The following RPS6KC1 variants were observed in gnomAD, a reference collection of about 807,000 sequenced individuals.
RPS6KC1 encodes inactive ribosomal protein S6 kinase delta-1.
RPS6KC1 carries 54 observed loss-of-function variants against 103.8 expected under a neutral mutation model. The ratio of observed to expected loss-of-function variants is 0.52; its 90% CI spans 0.42 to 0.65. RPS6KC1 has a LOEUF of 0.65. Among genes scored for constraint, RPS6KC1 ranks in the 30% least tolerant of loss-of-function variants. The probability of loss-of-function intolerance (pLI) is 0.00; values close to 1 mark genes in which losing one functional copy is unlikely to be tolerated. For missense variants in RPS6KC1, 1,151 were observed against 1,253.8 expected, an observed-to-expected ratio of 0.92 and a Z score of 1.24; for synonymous variants, 439 against 438.7, an observed-to-expected ratio of 1.00 and a Z score of -0.01.
At chr1:213,441,703 G>A in the RPS6KC1 span, among the ~76,000 whole-genome samples, 2 of 152,180 alleles carry the variant, frequency 1.3e-5, no homozygotes, top group Non-Finnish European at 2.9e-5. Context: ...AGAGTGTGAG[G>A]AGTGGTGAGA....
At chr1:213,615,478 G>A in the RPS6KC1 span, among the ~76,000 whole-genome samples, 2 of 152,272 alleles carry the variant, frequency 1.3e-5, no homozygotes, top group African/African-American at 4.8e-5. Context: ...AGAAAGAAGA[G>A]TGCCACCTCC....
At chr1:213,412,526 T>G in the RPS6KC1 span, among the ~76,000 whole-genome samples, 1 of 152,258 alleles carries the variant, frequency 6.6e-6, no homozygotes. Context: ...TCACACATTT[T>G]GTAGCGGTCC....
chr1:213,063,475 A>G (rs1035782536), intron 1 of RPS6KC1, among the ~76,000 whole-genome samples: 1 of 152,166 alleles, frequency 6.6e-6, no homozygotes, highest in Non-Finnish European at 1.5e-5. Context: ...AGAGTATTTA[A>G]TTTCTTAGCA....
chr1:213,343,105 G>A, the RPS6KC1 span, among the ~76,000 whole-genome samples: 1 of 151,724 alleles, frequency 6.6e-6, no homozygotes, highest in African/African-American at 2.4e-5. Context: ...CTTAAAAAAA[G>A]AGGAGAAATC....
the RPS6KC1 span, among the ~76,000 whole-genome samples, chr1:213,596,979 G>A: frequency 8.5e-5 from 13 of 152,300 alleles, 1 homozygote; most frequent in South Asian, 2.3e-3. Context: ...GACATTTCTC[G>A]AAGGGCAGCC....
At chr1:213,595,065 GA>G in the RPS6KC1 span, among the ~76,000 whole-genome samples, 1 of 152,294 alleles carries the variant, frequency 6.6e-6, no homozygotes, top group East Asian at 1.9e-4. Flanking sequence ...CTTAAGCTGT[GA>G]AAAGAAAAAT....
chr1:213,270,525 C>A (rs961825522), intron 14 of RPS6KC1, among the ~76,000 whole-genome samples: 1 of 152,058 alleles, frequency 6.6e-6, no homozygotes, highest in Non-Finnish European at 1.5e-5. Context: ...CCTGTAATCC[C>A]AGCACTTTGG....
chr1:213,312,473 A>G, the RPS6KC1 span, among the ~76,000 whole-genome samples: 1 of 152,202 alleles, frequency 6.6e-6, no homozygotes, highest in Non-Finnish European at 1.5e-5. Context: ...GGCGGCTTCT[A>G]TCCTAGCTCT....
chr1:213,272,081 A>G (rs1205151961), intron 14 of RPS6KC1, among the ~76,000 whole-genome samples: 3 of 152,194 alleles, frequency 2.0e-5, no homozygotes, highest in Non-Finnish European at 4.4e-5. Context: ...CTTTAGGTAA[A>G]GTTTAGTCTC....
chr1:213,453,880 A>G, the RPS6KC1 span, among the ~76,000 whole-genome samples: 1 of 152,164 alleles, frequency 6.6e-6, no homozygotes, highest in Non-Finnish European at 1.5e-5. Context: ...TTATACATGG[A>G]TATTTTTCAA....
chr1:213,191,848 C>T (rs558449214), intron 8 of RPS6KC1, among the ~76,000 whole-genome samples: 50 of 151,928 alleles, frequency 3.3e-4, no homozygotes, highest in Admixed American at 8.5e-4. Context: ...CTTGCTCTGT[C>T]GCTCGGCTGG....
At chr1:213,791,001 A>AGAGAGAGACTGTGGTTTCCTTGAT in the RPS6KC1 span, among the ~76,000 whole-genome samples, 2 of 152,216 alleles carry the variant, frequency 1.3e-5, no homozygotes, top group African/African-American at 4.8e-5. Flanking sequence ...TGAGCTCTGC[A>AGAGAGAGACTGTGGTTTCCTTGAT]AAGATTAGGA....
chr1:213,447,873 A>G, the RPS6KC1 span, among the ~76,000 whole-genome samples: 1 of 152,220 alleles, frequency 6.6e-6, no homozygotes. Flanking sequence ...GAAAAAAATC[A>G]GGAACTATAT....
chr1:213,382,075 T>G, the RPS6KC1 span, among the ~76,000 whole-genome samples: 1 of 152,170 alleles, frequency 6.6e-6, no homozygotes, highest in African/African-American at 2.4e-5. Context: ...TGTGTGGCTT[T>G]TTTCCCTTCC....
intron 3 of RPS6KC1, among the ~76,000 whole-genome samples, chr1:213,087,877 C>T (rs925199188): frequency 6.6e-6 from 1 of 152,168 alleles, no homozygotes; most frequent in Non-Finnish European, 1.5e-5. Flanking sequence ...TCCCTTGTTC[C>T]CCCTCCCTGC....
chr1:213,309,502 T>A, the RPS6KC1 span, among the ~76,000 whole-genome samples: 1 of 152,196 alleles, frequency 6.6e-6, no homozygotes, highest in Admixed American at 6.5e-5. Flanking sequence ...TCATAGGAAC[T>A]TTGGACATCG....
the RPS6KC1 span, among the ~76,000 whole-genome samples, chr1:213,507,016 C>T: frequency 1.3e-5 from 2 of 152,118 alleles, no homozygotes; most frequent in Non-Finnish European, 2.9e-5. Context: ...GCAATTATTC[C>T]AGGAGAGAGT....
At chr1:213,707,507 C>T in the RPS6KC1 span, among the ~76,000 whole-genome samples, 49 of 152,200 alleles carry the variant, frequency 3.2e-4, no homozygotes, top group African/African-American at 8.2e-4. Context: ...TGCCTGTTCA[C>T]TCAGATGATA....
At chr1:213,151,590 G>A (rs569223474) in intron 6 of RPS6KC1, among the ~76,000 whole-genome samples, 3 of 89,900 alleles carry the variant, frequency 3.3e-5, no homozygotes, top group African/African-American at 5.5e-5. Context: ...GCGGCTGGCC[G>A]GGCGGGGGGC....
Sources: allele counts gnomAD v4.1 joint callset (sites outside exome capture counted in the v4.1 genomes callset), GRCh38; gene constraint gnomAD v4.1.1; transcripts MANE v1.5; gene names NCBI Gene and HGNC (gene_info 2026-07-23, HGNC 2026-07-21).